AGAP1: variants seen among roughly 807,000 people sequenced by gnomAD.
AGAP1 encodes arf-GAP with GTPase, ANK repeat and PH domain-containing protein 1.
Under a neutral mutation model 105.3 loss-of-function variants are expected in AGAP1, and 29 were observed. The observed-to-expected ratio is 0.28, with a 90% confidence interval of 0.21 to 0.38. The LOEUF is 0.38. Among genes scored for constraint, AGAP1 ranks in the 10% least tolerant of loss-of-function variants. The pLI is 1.00. For missense variants in AGAP1, 998 were observed against 1,165.1 expected (o/e 0.86, Z 2.09); for synonymous variants, 509 against 485.9 (o/e 1.05, Z -0.63).
At position 235,610,852 on chromosome 2, in the gene AGAP1, C is replaced by T. The variant is rs1192617009; in HGVS notation, c.164-98327C>T. Among the ~76,000 whole-genome samples the T allele has an allele frequency of 6.6e-6, 1 of 152,112 alleles. No homozygotes were observed. Among genetic ancestry groups the T allele is most frequent in the African/African-American group, 2.4e-5 (1 of 41,422 alleles). On this transcript the variant is annotated intron_variant, in intron 1 of 17. Coordinates refer to ENST00000304032, the MANE Select transcript of AGAP1 (RefSeq NM_001037131.3). This position sits in a 1 kb window ranked among gnomAD's most constrained non-coding sequence, Gnocchi z 4.9. ...CTACTTCCTGCCTTGACACCACCCC[C>T]TGCCCACAGCCTTCTCATTCTTGTC...
Position 235,705,921 on chromosome 2 carries a change from A to G in AGAP1, c.164-3258A>G, listed in dbSNP as rs2149495195. 6.6e-6 allele frequency among the ~76,000 whole-genome samples: 1 copy of G among 152,352 alleles called. No homozygotes were observed. The highest frequency in any genetic ancestry group is 1.9e-4 in the East Asian group (1 of 5,184). ...GTTAGAAAGTTAATCTTATGGTGGT[A>G]TGTGTTGAAAAATCAGCAGTGCATT... On this transcript the variant is annotated intron_variant, in intron 1 of 17. Coordinates refer to ENST00000304032, the MANE Select transcript of AGAP1 (RefSeq NM_001037131.3). The surrounding 1 kb of genome is among the most constrained non-coding windows in gnomAD (Gnocchi z 4.9).
At chr2:235,534,561 A>C (rs562818864) in intron 1 of AGAP1, among the ~76,000 whole-genome samples, 1 of 152,282 alleles carries the variant, frequency 6.6e-6, no homozygotes, top group African/African-American at 2.4e-5. Flanking sequence ...TTCAGCCTCA[A>C]GGTCATTTAC....
rs774639358 is a variant in AGAP1 at position 235,736,041 on chromosome 2, GT to G, written c.311-4921del. Among the ~76,000 whole-genome samples, 2 of 152,030 alleles carry G rather than the reference GT, an allele frequency of 1.3e-5. No homozygotes were observed. The highest frequency in any genetic ancestry group is 4.8e-5 in the African/African-American group (2 of 41,484). On this transcript the variant is annotated intron_variant, in intron 3 of 17. Transcript: ENST00000304032. This position sits in a 1 kb window ranked among gnomAD's most constrained non-coding sequence, Gnocchi z 5.5. ...TTCCAGGTGATGCTGTTTACCTCCTGTGATATCCTTGTGTCCTGGGGAAGCA... is the reference window on the plus strand; with the variant it reads ...TTCCAGGTGATGCTGTTTACCTCCTGGATATCCTTGTGTCCTGGGGAAGCA...
chr2:235,765,693 T>C lies in AGAP1; in HGVS notation c.673+15205T>C, dbSNP rs539626322. The stretch of plus-strand genomic sequence containing the variant: ...TGTGACTCATCCCCAGCCAACTGTA[T>C]TCCAAGCACAGCCATAGTTCAGAGT... On this transcript the variant is annotated intron_variant, in intron 6 of 17. Transcript: ENST00000304032. Among the ~76,000 whole-genome samples, 77 of 152,060 alleles carry C rather than the reference T, an allele frequency of 5.1e-4. 1 individual carries two copies. In the South Asian group the frequency reaches 0.016, roughly 31 times the overall value.
chr2:235,606,502 A>G (rs935332738), intron 1 of AGAP1, among the ~76,000 whole-genome samples: 4 of 152,222 alleles, frequency 2.6e-5, no homozygotes, highest in Admixed American at 6.5e-5. Context: ...TATCACATCC[A>G]TAATGAACCT....
At position 235,620,064 on chromosome 2, in the gene AGAP1, G is replaced by A. The variant is rs897822816; in HGVS notation, c.164-89115G>A. On this transcript the variant is annotated intron_variant, in intron 1 of 17. Transcript: ENST00000304032. This position sits in a 1 kb window ranked among gnomAD's most constrained non-coding sequence, Gnocchi z 4.5. ...GCCTTCCTGGGCCTCTGCAGCACCT[G>A]CCCTCGGCCCCCAGGGACCTTCTTT... Among the ~76,000 whole-genome samples, 1 of 152,166 alleles carries A rather than the reference G, an allele frequency of 6.6e-6. No homozygotes were observed. Among genetic ancestry groups the A allele is most frequent in the African/African-American group, 2.4e-5 (1 of 41,442 alleles).
chr2:235,871,361 G>A (rs2049428206), intron 9 of AGAP1, among the ~76,000 whole-genome samples: 1 of 152,198 alleles, frequency 6.6e-6, no homozygotes, highest in African/African-American at 2.4e-5. Context: ...TGGCAATCTG[G>A]TAGCTAGGTG....
intron 8 of AGAP1, among the ~76,000 whole-genome samples, chr2:235,805,575 C>T (rs898781421): frequency 1.2e-4 from 19 of 152,068 alleles, no homozygotes; most frequent in Admixed American, 4.6e-4. Context: ...AATGTTATCA[C>T]TGTGTGCTTT....
chr2:235,727,830 G>C (rs1449399861), intron 3 of AGAP1, among the ~76,000 whole-genome samples: 2 of 152,106 alleles, frequency 1.3e-5, no homozygotes, highest in Non-Finnish European at 2.9e-5. Flanking sequence ...GGTTTCCTCT[G>C]GAAGGTAGCA....
At chr2:235,536,660 CA>C (rs1559231699) in intron 1 of AGAP1, among the ~76,000 whole-genome samples, 13 of 151,706 alleles carry the variant, frequency 8.6e-5, no homozygotes, top group African/African-American at 1.9e-4. Context: ...CACACACACA[CA>C]CACACACACA....
rs2055701443 is a variant in AGAP1 at position 235,994,454 on chromosome 2, T to A, written c.1645+25831T>A. Reference sequence around the variant, plus strand: ...GCTTGTACTTGTGTGCCTCTTGGAGTTACTTGTTGATAGGACAGCGTTAAG... The same window carrying A: ...GCTTGTACTTGTGTGCCTCTTGGAGATACTTGTTGATAGGACAGCGTTAAG... On this transcript the variant is annotated intron_variant, in intron 13 of 17. Transcript: ENST00000304032. The surrounding 1 kb of genome is among the most constrained non-coding windows in gnomAD (Gnocchi z 4.4). Among the ~76,000 whole-genome samples the A allele has an allele frequency of 6.6e-6, 1 of 152,162 alleles. No homozygotes were observed. Among genetic ancestry groups the A allele is most frequent in the African/African-American group, 2.4e-5 (1 of 41,424 alleles).
Position 236,113,074 on chromosome 2 carries a change from C to G in AGAP1, c.2115-7118C>G, listed in dbSNP as rs2059690088. ...TTCCTGCAGCCTTTCTTTTTTCCCA[C>G]GATTTCCCAAAATACGGCCACCACT... On this transcript the variant is annotated intron_variant, in intron 16 of 17. Coordinates refer to ENST00000304032, the MANE Select transcript of AGAP1 (RefSeq NM_001037131.3). This position sits in a 1 kb window ranked among gnomAD's most constrained non-coding sequence, Gnocchi z 4.3. Among the ~76,000 whole-genome samples, 1 of 152,192 alleles carries G rather than the reference C, an allele frequency of 6.6e-6. No homozygotes were observed. Among genetic ancestry groups the G allele is most frequent in the Admixed American group, 6.5e-5 (1 of 15,280 alleles).
rs1401757443 is a variant in AGAP1 at position 235,615,646 on chromosome 2, T to C, written c.164-93533T>C. Among the ~76,000 whole-genome samples, 1 of 152,216 alleles carries C rather than the reference T, an allele frequency of 6.6e-6. No individual in the cohort carries two copies. Among genetic ancestry groups the C allele is most frequent in the Non-Finnish European group, 1.5e-5 (1 of 68,046 alleles). ...GACTTCACAGGATAGCTATGCATTT[T>C]GCCTCTTGGGGAGCTGGGTTATTGT... On this transcript the variant is annotated intron_variant, in intron 1 of 17. Coordinates refer to ENST00000304032, the MANE Select transcript of AGAP1 (RefSeq NM_001037131.3). This position sits in a 1 kb window ranked among gnomAD's most constrained non-coding sequence, Gnocchi z 5.0.
At chr2:235,669,550 C>G (rs2149352916) in intron 1 of AGAP1, 1 of 148,056 alleles carries the variant, frequency 6.8e-6, no homozygotes, top group East Asian at 2.0e-4. Flanking sequence ...CCCGGCTGGG[C>G]GCGCGGCCCG....
chr2:235,976,807 G>A lies in AGAP1; in HGVS notation c.1645+8184G>A, dbSNP rs936643451. 1.3e-4 allele frequency among the ~76,000 whole-genome samples: 20 copies of A among 152,160 alleles called. 1 individual carries two copies. The highest frequency in any genetic ancestry group is 3.6e-4 in the African/African-American group (15 of 41,434). ...CAAAGGGGAGTAGACACTCACACAC[G>A]TTGTATAGACAACGAAATATCTGCT... On this transcript the variant is annotated intron_variant, in intron 13 of 17. Coordinates refer to ENST00000304032, the MANE Select transcript of AGAP1 (RefSeq NM_001037131.3). This position sits in a 1 kb window ranked among gnomAD's most constrained non-coding sequence, Gnocchi z 4.5.
intron 1 of AGAP1, among the ~76,000 whole-genome samples, chr2:235,502,127 G>C (rs1006810106): frequency 3.9e-5 from 6 of 152,068 alleles, no homozygotes; most frequent in Admixed American, 2.6e-4. Flanking sequence ...AAGATGCAGT[G>C]ATGACCCATC....
chr2:235,968,944 C>T (rs1004803509), intron 13 of AGAP1, among the ~76,000 whole-genome samples: 1 of 152,190 alleles, frequency 6.6e-6, no homozygotes, highest in Admixed American at 6.5e-5. Flanking sequence ...GGGCGAGTGT[C>T]CTCTCCAGCC....
At chr2:235,759,013 G>A (rs1287652993) in intron 6 of AGAP1, among the ~76,000 whole-genome samples, 1 of 151,882 alleles carries the variant, frequency 6.6e-6, no homozygotes, top group Non-Finnish European at 1.5e-5. Context: ...GCCTAGTCTC[G>A]AACTCCTGAG....
At chr2:236,019,280 A>G (rs2056810616) in intron 13 of AGAP1, among the ~76,000 whole-genome samples, 2 of 152,178 alleles carry the variant, frequency 1.3e-5, no homozygotes, top group South Asian at 4.2e-4. Flanking sequence ...GTAAGGGTGC[A>G]CCCGCCCACT....
Sources: gnomAD v4.1 joint callset for allele counts (sites outside exome capture counted in the v4.1 genomes callset) on GRCh38, gnomAD v4.1.1 for gene constraint, Gnocchi (gnomAD v3.1) non-coding constraint, MANE v1.5 for transcripts, NCBI Gene and HGNC (gene_info 2026-07-23, HGNC 2026-07-21) for gene names.